CLDN14: variants seen among roughly 807,000 people sequenced by gnomAD.
The protein encoded by CLDN14 is claudin 14.
Under a neutral mutation model 2.1 loss-of-function variants are expected in CLDN14, and 2 were observed. The observed-to-expected ratio is 0.96, with a 90% confidence interval of 0.39 to 3.01. CLDN14 has a LOEUF of 3.01. Ranked by LOEUF, CLDN14 falls within the 30% of genes most tolerant of loss-of-function variation. CLDN14 has a pLI of 0.09. For missense variants in CLDN14, 298 were observed against 328.0 expected (o/e 0.91, Z 0.71); for synonymous variants, 136 against 154.4 (o/e 0.88, Z 0.88).
intron 1 of CLDN14, among the ~76,000 whole-genome samples, chr21:36,521,273 G>A (rs1018608764): frequency 7.2e-5 from 11 of 152,144 alleles, no homozygotes; most frequent in African/African-American, 2.7e-4. Flanking sequence ...TGCCCCAAGG[G>A]AAGCATGAGG....
intron 1 of CLDN14, among the ~76,000 whole-genome samples, chr21:36,567,917 C>T (rs1364036147): frequency 1.3e-5 from 2 of 152,026 alleles, no homozygotes; most frequent in Admixed American, 6.6e-5. Context: ...ACTATGTGGA[C>T]GTTTAACCTA....
At chr21:36,553,521 G>T (rs1274169066) in intron 1 of CLDN14, among the ~76,000 whole-genome samples, 1 of 152,038 alleles carries the variant, frequency 6.6e-6, no homozygotes, top group African/African-American at 2.4e-5. Context: ...CCAAGGCCCT[G>T]CCCGCCCATT....
At chr21:36,533,268 G>A (rs2087395652) in intron 1 of CLDN14, among the ~76,000 whole-genome samples, 1 of 152,190 alleles carries the variant, frequency 6.6e-6, no homozygotes, top group African/African-American at 2.4e-5. Context: ...TGGTCTGCAC[G>A]GGCAGGGGAT....
intron 1 of CLDN14, among the ~76,000 whole-genome samples, chr21:36,463,739 A>G (rs1033169934): frequency 5.3e-5 from 8 of 152,148 alleles, no homozygotes; most frequent in African/African-American, 1.9e-4. Context: ...AAATGAAATA[A>G]AATAAATCAA....
intron 1 of CLDN14, among the ~76,000 whole-genome samples, chr21:36,553,550 C>T (rs1014399200): frequency 2.0e-5 from 3 of 152,034 alleles, no homozygotes; most frequent in Admixed American, 6.6e-5. Flanking sequence ...CTCCTTTCCC[C>T]GCACCCCATC....
chr21:36,505,410 G>A (rs1376930891), intron 2 of CLDN14, among the ~76,000 whole-genome samples: 2 of 152,178 alleles, frequency 1.3e-5, no homozygotes, highest in African/African-American at 2.4e-5. Context: ...CCAGGACGAT[G>A]AAGCCATCAT....
At chr21:36,502,145 T>G (rs148267139) in intron 2 of CLDN14, among the ~76,000 whole-genome samples, 32 of 152,300 alleles carry the variant, frequency 2.1e-4, no homozygotes, top group East Asian at 1.4e-3. Context: ...TGTTTTTACC[T>G]ATGTTAACTC....
At chr21:36,565,558 T>C (rs9981101) in intron 1 of CLDN14, among the ~76,000 whole-genome samples, 22,476 of 152,208 alleles carry the variant, frequency 0.15, 1,809 homozygotes, top group Non-Finnish European at 0.19. Context: ...ATTTCCATCA[T>C]GGCAAATGTC....
chr21:36,481,233 C>A (rs1037546301), upstream of CLDN14, among the ~76,000 whole-genome samples: 1 of 152,118 alleles, frequency 6.6e-6, no homozygotes, highest in Non-Finnish European at 1.5e-5. Flanking sequence ...TAGACCTTTT[C>A]GTTAGATCCT....
chr21:36,575,654 G>A lies in CLDN14; in HGVS notation c.-220+757C>T, dbSNP rs1026614792. Reference sequence around the variant, plus strand: ...TAGGTACAGTGCTCGCATGAAACATGGACAATGTTTATCAGCATAAGTAGG... The same window carrying A: ...TAGGTACAGTGCTCGCATGAAACATAGACAATGTTTATCAGCATAAGTAGG... On this transcript the variant is annotated intron_variant, in intron 1 of 2. Transcript: ENST00000342108. 2.0e-5 allele frequency among the ~76,000 whole-genome samples: 3 copies of A among 152,190 alleles called. No homozygotes were observed. The East Asian group carries it at 5.8e-4, about 29-fold the overall frequency.
At chr21:36,528,270 T>C (rs2087350446) in intron 1 of CLDN14, among the ~76,000 whole-genome samples, 1 of 152,208 alleles carries the variant, frequency 6.6e-6, no homozygotes, top group African/African-American at 2.4e-5. Flanking sequence ...GCAGTGTGGT[T>C]AGGGTATTCC....
At chr21:36,536,674 C>G (rs1970906672) in intron 1 of CLDN14, among the ~76,000 whole-genome samples, 3 of 152,170 alleles carry the variant, frequency 2.0e-5, no homozygotes, top group Non-Finnish European at 4.4e-5. Context: ...GTGTTTATAG[C>G]ACCTCTATTC....
intron 1 of CLDN14, among the ~76,000 whole-genome samples, chr21:36,555,838 TGTGTGTGTGTGTGAGA>T (rs1482479857): frequency 1.0e-5 from 1 of 97,198 alleles, no homozygotes; most frequent in African/African-American, 3.7e-5. Context: ...TGTGTGTGTG[TGTGTGTGTGTGTGAGA>T]GAGAGAGAGT....
intron 1 of CLDN14, among the ~76,000 whole-genome samples, chr21:36,573,512 C>G (rs188129566): frequency 6.6e-6 from 1 of 152,168 alleles, no homozygotes. Flanking sequence ...ATTAACTTTT[C>G]TCTCTATAAA....
chr21:36,526,520 G>A (rs915390056), intron 1 of CLDN14: 2 of 152,222 alleles, frequency 1.3e-5, no homozygotes, highest in African/African-American at 2.4e-5. Context: ...TCCTGGCAAA[G>A]TGGGGTCCTG....
At chr21:36,489,518 A>C (rs1601606752) in intron 2 of CLDN14, among the ~76,000 whole-genome samples, 1 of 152,062 alleles carries the variant, frequency 6.6e-6, no homozygotes, top group South Asian at 2.1e-4. Flanking sequence ...GGAAGGCCTC[A>C]CCAGCTTGGG....
Position 36,498,714 on chromosome 21 carries a change from G to A in CLDN14, c.-82+11649C>T, listed in dbSNP as rs555540526. On this transcript the variant is annotated intron_variant, in intron 2 of 2. Transcript: ENST00000342108. This position sits in a 1 kb window ranked among gnomAD's most constrained non-coding sequence, Gnocchi z 4.9. ...GACAGCAGCCTACAGAAAGGTGGGG[G>A]CACCTCTCAGCTGGCCTTCAGCTCC... Among the ~76,000 whole-genome samples, 1 of 152,312 alleles carries A rather than the reference G, an allele frequency of 6.6e-6. No individual in the cohort carries two copies. Among genetic ancestry groups the A allele is most frequent in the South Asian group, 2.1e-4 (1 of 4,822 alleles).
chr21:36,545,999 C>T (rs927777390), intron 1 of CLDN14, among the ~76,000 whole-genome samples: 1 of 152,156 alleles, frequency 6.6e-6, no homozygotes, highest in Non-Finnish European at 1.5e-5. Context: ...TGGGTCCTCC[C>T]GCCCAACAGC....
Position 36,568,804 on chromosome 21 carries a change from C to A in CLDN14, c.-220+7607G>T, listed in dbSNP as rs529077195. ...AGACACGCCACATATGCCTTTCATTCCTTTAACAGTTCAGACTGGGGCTGT... is the reference window on the plus strand; with the variant it reads ...AGACACGCCACATATGCCTTTCATTACTTTAACAGTTCAGACTGGGGCTGT... On this transcript the variant is annotated intron_variant, in intron 1 of 2. Transcript: ENST00000342108. Among the ~76,000 whole-genome samples, 9 of 152,356 alleles carry A rather than the reference C, an allele frequency of 5.9e-5. No homozygotes were observed. The South Asian group carries it at 1.9e-3, about 32-fold the overall frequency.
Sources: gnomAD v4.1 joint callset for allele counts (sites outside exome capture counted in the v4.1 genomes callset) on GRCh38, gnomAD v4.1.1 for gene constraint, Gnocchi (gnomAD v3.1) non-coding constraint, MANE v1.5 for transcripts, NCBI Gene and HGNC (gene_info 2026-07-23, HGNC 2026-07-21) for gene names.